GRID2: variants seen among roughly 807,000 people sequenced by gnomAD.
The protein encoded by GRID2 is glutamate receptor ionotropic, delta-2.
In GRID2, 33 loss-of-function variants were observed where a neutral mutation model predicts 114.8. The observed-to-expected ratio is 0.29, with a 90% CI of 0.22 to 0.38. The LOEUF is 0.38. GRID2 is among the 10% of genes least tolerant of loss of function. The probability of loss-of-function intolerance (pLI) is 1.00; values close to 1 mark genes in which losing one functional copy is unlikely to be tolerated. For synonymous variants in GRID2, 505 were observed against 449.9 expected, an observed-to-expected ratio of 1.12 and a Z score of -1.55; for missense variants, 1,184 against 1,257.7, an observed-to-expected ratio of 0.94 and a Z score of 0.89.
chr4:92,623,941 A>G (rs1730397295), intron 2 of GRID2, among the ~76,000 whole-genome samples: 1 of 151,834 alleles, frequency 6.6e-6, no homozygotes, highest in Non-Finnish European at 1.5e-5. Context: ...ACATATACAC[A>G]CAATGACATA....
Position 93,378,980 on chromosome 4 carries a change from A to G in GRID2, c.1246-16627A>G, listed in dbSNP as rs530044576. Among the ~76,000 whole-genome samples the G allele has an allele frequency of 2.6e-5, 4 of 152,204 alleles. No individual in the cohort carries two copies. In the East Asian group the frequency reaches 7.7e-4, roughly 29 times the overall value. On this transcript the variant is annotated intron_variant, in intron 8 of 15. Transcript: ENST00000282020. ...AGGTCCAAGATTGATTAATGATTTT[A>G]TCTTCAGTAACCTGTGATCTAAATT...
intron 14 of GRID2, among the ~76,000 whole-genome samples, chr4:93,707,851 A>G (rs900809529): frequency 5.3e-5 from 8 of 151,680 alleles, no homozygotes; most frequent in Middle Eastern, 6.8e-3. Context: ...TCTTAGTATT[A>G]CTTTTGCTGT....
intron 2 of GRID2, among the ~76,000 whole-genome samples, chr4:92,920,580 A>T (rs897155263): frequency 3.3e-5 from 5 of 152,066 alleles, no homozygotes; most frequent in African/African-American, 1.2e-4. Flanking sequence ...TTGTCTGTAA[A>T]GGATTTTATT....
In GRID2 at chr4:93,486,529, C is replaced by T. The variant is rs557088219; in HGVS notation, c.1859-4110C>T. 2.5e-4 allele frequency among the ~76,000 whole-genome samples: 38 copies of T among 151,590 alleles called. No homozygotes were observed. The South Asian group carries it at 7.3e-3, about 29-fold the overall frequency. ...AACACTTTTTAAAGTTTCCAATTTG[C>T]TGGTTATTTCTAGGTTTGTTTTGGT... On this transcript the variant is annotated intron_variant, in intron 11 of 15. Coordinates refer to ENST00000282020, the MANE Select transcript of GRID2 (RefSeq NM_001510.4).
intron 14 of GRID2, among the ~76,000 whole-genome samples, chr4:93,711,834 C>T (rs549627880): frequency 2.2e-4 from 33 of 152,232 alleles, no homozygotes; most frequent in Non-Finnish European, 4.4e-4. Context: ...CCTCTTTCCT[C>T]GATACAATGT....
chr4:92,623,371 A>G (rs898305307), intron 2 of GRID2, among the ~76,000 whole-genome samples: 2 of 151,570 alleles, frequency 1.3e-5, no homozygotes, highest in Non-Finnish European at 3.0e-5. Flanking sequence ...GTACAAAAAA[A>G]AAAAGATTAA....
chr4:92,336,951 G>GTTTT (rs1474706431), intron 1 of GRID2, among the ~76,000 whole-genome samples: 9 of 16,570 alleles, frequency 5.4e-4, no homozygotes, highest in African/African-American at 1.2e-3. Context: ...GTCTTTCGTT[G>GTTTT]TTGTTTTTTT....
chr4:93,535,584 A>G (rs1731975897), intron 13 of GRID2, among the ~76,000 whole-genome samples: 1 of 151,968 alleles, frequency 6.6e-6, no homozygotes. Context: ...ATTTAATAAT[A>G]CCAATTCTCA....
chr4:93,688,540 C>G (rs1475111981), intron 14 of GRID2, among the ~76,000 whole-genome samples: 3 of 151,904 alleles, frequency 2.0e-5, no homozygotes, highest in Non-Finnish European at 4.4e-5. Context: ...TAATAATTCG[C>G]AATATCTGGA....
intron 13 of GRID2, among the ~76,000 whole-genome samples, chr4:93,598,649 G>A (rs1025354928): frequency 1.3e-5 from 2 of 151,982 alleles, no homozygotes; most frequent in Non-Finnish European, 2.9e-5. Flanking sequence ...ATCTATATTT[G>A]CATTTTAGTA....
intron 13 of GRID2, among the ~76,000 whole-genome samples, chr4:93,547,884 T>C (rs190750164): frequency 9.9e-5 from 15 of 152,246 alleles, no homozygotes; most frequent in African/African-American, 3.1e-4. Context: ...AAATTTATTT[T>C]AAGTAAAGAG....
chr4:93,697,043 T>C (rs770320300), intron 14 of GRID2, among the ~76,000 whole-genome samples: 1 of 152,206 alleles, frequency 6.6e-6, no homozygotes, highest in Non-Finnish European at 1.5e-5. Flanking sequence ...ACTAAAATTA[T>C]TGTAAAATCA....
intron 2 of GRID2, among the ~76,000 whole-genome samples, chr4:93,069,784 CTT>C (rs1728652031): frequency 6.6e-6 from 1 of 152,060 alleles, no homozygotes; most frequent in South Asian, 2.1e-4. Context: ...AGAAAAATGA[CTT>C]TTGCCCAAGC....
At chr4:93,771,980 G>A (rs1245035166) in intron 15 of GRID2, 96 bp from the exon 16 acceptor site, 3 of 720,326 alleles carry the variant, frequency 4.2e-6, no homozygotes, top group Non-Finnish European at 7.1e-6. Context: ...AAACCCCAAA[G>A]TTCAGTTAAT....
At chr4:92,318,169 G>A (rs934150007) in intron 1 of GRID2, among the ~76,000 whole-genome samples, 5 of 151,676 alleles carry the variant, frequency 3.3e-5, no homozygotes, top group African/African-American at 1.2e-4. Context: ...AATCTGACTA[G>A]CAATTAATAG....
intron 11 of GRID2, among the ~76,000 whole-genome samples, chr4:93,477,707 G>T (rs1725454205): frequency 6.6e-6 from 1 of 152,090 alleles, no homozygotes; most frequent in Non-Finnish European, 1.5e-5. Context: ...TGTATAACAA[G>T]CTACTTTCAG....
chr4:93,062,603 C>G (rs1049965604), intron 2 of GRID2, among the ~76,000 whole-genome samples: 3 of 151,706 alleles, frequency 2.0e-5, no homozygotes, highest in Non-Finnish European at 4.4e-5. Flanking sequence ...TTTTTTTTGT[C>G]TTAATCTTTT....
chr4:92,782,532 A>G (rs999644011), intron 2 of GRID2, among the ~76,000 whole-genome samples: 31 of 152,108 alleles, frequency 2.0e-4, no homozygotes, highest in African/African-American at 7.5e-4. Context: ...TATTCATGCT[A>G]TGTATGTTAG....
intron 12 of GRID2, among the ~76,000 whole-genome samples, chr4:93,506,906 T>A (rs753314699): frequency 6.6e-6 from 1 of 152,174 alleles, no homozygotes; most frequent in African/African-American, 2.4e-5. Flanking sequence ...ACACAGCACT[T>A]TGGTGCTGGT....
Sources: gnomAD v4.1 joint callset for allele counts (sites outside exome capture counted in the v4.1 genomes callset) on GRCh38, gnomAD v4.1.1 for gene constraint, MANE v1.5 for transcripts, NCBI Gene and HGNC (gene_info 2026-07-23, HGNC 2026-07-21) for gene names.